Variants in PTPRD observed in about 807,000 individuals in gnomAD.
PTPRD encodes receptor-type tyrosine-protein phosphatase delta.
Under a neutral mutation model 214.5 loss-of-function variants are expected in PTPRD, and 34 were observed. The observed-to-expected ratio is 0.16, with a 90% CI of 0.12 to 0.21. PTPRD has a LOEUF of 0.21. Among genes scored for constraint, PTPRD ranks in the 10% least tolerant of loss-of-function variants. The pLI, the probability that PTPRD is intolerant of heterozygous loss-of-function variation, is 1.00. For missense variants in PTPRD, 2,545 were observed against 2,398.7 expected, an observed-to-expected ratio of 1.06 and a Z score of -1.27; for synonymous variants, 1,128 against 845.7, an observed-to-expected ratio of 1.33 and a Z score of -5.79.
At chr9:9,506,745 T>C (rs987838201) in intron 8 of PTPRD, among the ~76,000 whole-genome samples, 2 of 151,380 alleles carry the variant, frequency 1.3e-5, no homozygotes, top group African/African-American at 2.4e-5. Context: ...TCTGGAGTAA[T>C]GCAAGTTACA....
intron 3 of PTPRD, among the ~76,000 whole-genome samples, chr9:10,269,743 T>C (rs1002897411): frequency 8.6e-5 from 13 of 151,916 alleles, no homozygotes; most frequent in African/African-American, 3.1e-4. Context: ...GAATAAAATG[T>C]TCTCATAATT....
At chr9:9,264,662 T>C (rs957793908) in intron 9 of PTPRD, among the ~76,000 whole-genome samples, 2 of 151,494 alleles carry the variant, frequency 1.3e-5, no homozygotes, top group Non-Finnish European at 3.0e-5. Context: ...AGAAAAGGTA[T>C]AAACATCCAG....
intron 3 of PTPRD, among the ~76,000 whole-genome samples, chr9:10,143,583 G>T (rs948728329): frequency 2.0e-5 from 3 of 151,168 alleles, no homozygotes; most frequent in African/African-American, 4.9e-5. Context: ...AAAAAAAATT[G>T]TATCAAAAAG....
At chr9:9,567,118 C>A (rs1354279367) in intron 8 of PTPRD, among the ~76,000 whole-genome samples, 1 of 152,006 alleles carries the variant, frequency 6.6e-6, no homozygotes, top group African/African-American at 2.4e-5. Context: ...CCTGAAGATT[C>A]ATGAAATACT....
intron 3 of PTPRD, among the ~76,000 whole-genome samples, chr9:10,199,911 G>GCGCA (rs2099412833): frequency 1.2e-5 from 1 of 82,840 alleles, no homozygotes; most frequent in Non-Finnish European, 2.6e-5. Context: ...GCGCACACAC[G>GCGCA]CACACACACA....
intron 10 of PTPRD, among the ~76,000 whole-genome samples, chr9:9,162,932 A>G (rs1270670116): frequency 6.6e-6 from 1 of 152,108 alleles, no homozygotes. Context: ...TCTTGGGAAC[A>G]TTTGATACTG....
chr9:8,720,148 G>A (rs1330383268), intron 12 of PTPRD, among the ~76,000 whole-genome samples: 1 of 152,184 alleles, frequency 6.6e-6, no homozygotes, highest in Non-Finnish European at 1.5e-5. Context: ...TAGTCATGAA[G>A]AAGAGGCTGG....
intron 12 of PTPRD, among the ~76,000 whole-genome samples, chr9:8,660,727 C>T (rs1317875621): frequency 2.6e-5 from 4 of 152,078 alleles, no homozygotes; most frequent in African/African-American, 9.7e-5. Context: ...TTGTATCAGG[C>T]AGAGCAATCA....
At chr9:8,967,213 T>G (rs1005925217) in intron 11 of PTPRD, among the ~76,000 whole-genome samples, 2 of 152,028 alleles carry the variant, frequency 1.3e-5, no homozygotes, top group South Asian at 4.1e-4. Context: ...TGTAAATTAG[T>G]CCTGCCACTA....
intron 10 of PTPRD, among the ~76,000 whole-genome samples, chr9:9,040,855 C>G (rs116544603): frequency 2.0e-5 from 3 of 152,046 alleles, no homozygotes; most frequent in African/African-American, 4.8e-5. Context: ...GAGTTTAGAG[C>G]CTTTGAAAAG....
chr9:10,316,941 A>C (rs2096451291), intron 3 of PTPRD, among the ~76,000 whole-genome samples: 1 of 151,934 alleles, frequency 6.6e-6, no homozygotes, highest in Non-Finnish European at 1.5e-5. Context: ...CTTTTTAAGG[A>C]GTCTCTAAAT....
intron 7 of PTPRD, among the ~76,000 whole-genome samples, chr9:9,701,305 T>A (rs1036212901): frequency 1.3e-5 from 2 of 152,116 alleles, no homozygotes; most frequent in Admixed American, 1.3e-4. Context: ...ATTTAAAAAC[T>A]TCAAACTAAT....
intron 2 of PTPRD, among the ~76,000 whole-genome samples, chr9:10,536,012 A>G (rs999203338): frequency 6.6e-6 from 1 of 152,132 alleles, no homozygotes. Flanking sequence ...AAGAGGGTAT[A>G]AAAGAGTTTT....
At chr9:9,747,503 G>C (rs2098469754) in intron 6 of PTPRD, among the ~76,000 whole-genome samples, 1 of 151,262 alleles carries the variant, frequency 6.6e-6, no homozygotes, top group Middle Eastern at 3.2e-3. Context: ...GGGAAAAATG[G>C]TGCCTCAGAT....
intron 3 of PTPRD, among the ~76,000 whole-genome samples, chr9:10,148,056 G>A (rs1485101575): frequency 1.3e-5 from 2 of 152,102 alleles, no homozygotes; most frequent in Non-Finnish European, 2.9e-5. Context: ...TCTAAATCCA[G>A]AGATTTTCTA....
At chr9:8,520,676 G>A (rs1297863707) in intron 20 of PTPRD, among the ~76,000 whole-genome samples, 1 of 152,028 alleles carries the variant, frequency 6.6e-6, no homozygotes, top group East Asian at 1.9e-4. Flanking sequence ...ATGTAATATA[G>A]TACTTTGGTT....
At chr9:8,353,846 A>ATG (rs1358671658) in intron 39 of PTPRD, among the ~76,000 whole-genome samples, 1 of 126,354 alleles carries the variant, frequency 7.9e-6, no homozygotes, top group South Asian at 2.3e-4. Flanking sequence ...ATATGTATAT[A>ATG]TGTATATATG....
intron 9 of PTPRD, among the ~76,000 whole-genome samples, chr9:9,350,567 C>A (rs1451753686): frequency 6.6e-6 from 1 of 151,996 alleles, no homozygotes; most frequent in Non-Finnish European, 1.5e-5. Context: ...ATGGTCATCA[C>A]TGTAAAATTT....
intron 9 of PTPRD, among the ~76,000 whole-genome samples, chr9:9,216,019 G>C (rs552225361): frequency 6.6e-6 from 1 of 152,266 alleles, no homozygotes; most frequent in East Asian, 1.9e-4. Context: ...AGTACTTGCT[G>C]TGTGGTTCAG....
Sources: gnomAD v4.1 joint callset for allele counts (sites outside exome capture counted in the v4.1 genomes callset) on GRCh38, gnomAD v4.1.1 for gene constraint, MANE v1.5 for transcripts, NCBI Gene and HGNC (gene_info 2026-07-23, HGNC 2026-07-21) for gene names.